ADAMTS2: variants seen among roughly 807,000 people sequenced by gnomAD.
ADAMTS2 encodes A disintegrin and metalloproteinase with thrombospondin motifs 2.
A neutral mutation model predicts 123.0 loss-of-function variants in ADAMTS2; 50 were observed. The ratio of observed to expected loss-of-function variants is 0.41; its 90% confidence interval spans 0.32 to 0.51. The LOEUF is 0.51. Ranked by LOEUF, ADAMTS2 falls within the 20% of genes least tolerant of loss-of-function variation. ADAMTS2 has a pLI of 0.35. For synonymous variants in ADAMTS2, 678 were observed against 695.4 expected (o/e 0.98, Z 0.39); for missense variants, 1,494 against 1,705.2 (o/e 0.88, Z 2.18).
chr5:179,135,050 C>G (rs1427857499), intron 13 of ADAMTS2, among the ~76,000 whole-genome samples: 1 of 105,880 alleles, frequency 9.4e-6, no homozygotes, highest in South Asian at 3.5e-4. Flanking sequence ...CAGCTCCCGG[C>G]TCCAGCTCCC....
chr5:179,320,893 A>G (rs919279245), intron 2 of ADAMTS2, among the ~76,000 whole-genome samples: 3 of 152,180 alleles, frequency 2.0e-5, no homozygotes, highest in South Asian at 2.1e-4. Flanking sequence ...GCCTGCATCC[A>G]TTTTTCTGCC....
intron 2 of ADAMTS2, among the ~76,000 whole-genome samples, chr5:179,337,436 C>T (rs1757644156): frequency 6.6e-6 from 1 of 152,224 alleles, no homozygotes; most frequent in African/African-American, 2.4e-5. Flanking sequence ...CCCACACGCA[C>T]ACTGCATGCA....
At chr5:179,292,808 C>T (rs536057271) in intron 2 of ADAMTS2, among the ~76,000 whole-genome samples, 1 of 152,200 alleles carries the variant, frequency 6.6e-6, no homozygotes, top group Non-Finnish European at 1.5e-5. Context: ...CAGACCACTG[C>T]CCAGACGGCT....
At chr5:179,316,973 A>AATT (rs1757017178) in intron 2 of ADAMTS2, among the ~76,000 whole-genome samples, 1 of 152,206 alleles carries the variant, frequency 6.6e-6, no homozygotes, top group South Asian at 2.1e-4. Context: ...TTTAAAAAGA[A>AATT]TACACAGTGG....
chr5:179,171,465 A>G (rs528021098), intron 5 of ADAMTS2, among the ~76,000 whole-genome samples: 1 of 152,314 alleles, frequency 6.6e-6, no homozygotes, highest in East Asian at 1.9e-4. Flanking sequence ...CAGTAGGTCC[A>G]ACCTAAAGCA....
In ADAMTS2 at chr5:179,233,339, A is replaced by G. The variant is rs1442669598; in HGVS notation, c.689-25624T>C. Among the ~76,000 whole-genome samples, 3 of 151,362 alleles carry G rather than the reference A, an allele frequency of 2.0e-5. 1 individual carries two copies. Among genetic ancestry groups the G allele is most frequent in the South Asian group, 4.2e-4 (2 of 4,810 alleles). On this transcript the variant is annotated intron_variant, in intron 3 of 21. Transcript: ENST00000251582. ...ATCTTGTGTGTATGTGTTGTATCATATTATCTGCTTTGTTAAATGCTATGC... is the reference window on the plus strand; with the variant it reads ...ATCTTGTGTGTATGTGTTGTATCATGTTATCTGCTTTGTTAAATGCTATGC...
chr5:179,341,822 T>A (rs1415085453), intron 2 of ADAMTS2, among the ~76,000 whole-genome samples: 1 of 152,142 alleles, frequency 6.6e-6, no homozygotes, highest in Non-Finnish European at 1.5e-5. Context: ...CAGCTCCTCT[T>A]CCAACCCCAA....
intron 3 of ADAMTS2, among the ~76,000 whole-genome samples, chr5:179,268,022 C>T (rs192986454): frequency 7.2e-5 from 11 of 152,382 alleles, no homozygotes; most frequent in Admixed American, 2.0e-4. Flanking sequence ...GGCTGGATTC[C>T]TGGAGCCTTC....
At chr5:179,321,437 C>T (rs567634775) in intron 2 of ADAMTS2, among the ~76,000 whole-genome samples, 3 of 152,312 alleles carry the variant, frequency 2.0e-5, no homozygotes, top group African/African-American at 7.2e-5. Context: ...CCCTGCAAAG[C>T]CCCCTCTTGG....
At chr5:179,265,102 G>A (rs1363116387) in intron 3 of ADAMTS2, among the ~76,000 whole-genome samples, 1 of 150,126 alleles carries the variant, frequency 6.7e-6, no homozygotes, top group Non-Finnish European at 1.5e-5. Context: ...AGTGCTGGAA[G>A]CATCTGTGGG....
At position 179,187,867 on chromosome 5, in the gene ADAMTS2, G is replaced by A. The variant is rs1008187990; in HGVS notation, c.892-6712C>T. ...ATGCGCCTTTTGCTTATGCAAAGAT[G>A]CAGCCAAGTTTCTGTTCTGGAATAG... On this transcript the variant is annotated intron_variant, in intron 4 of 21. Coordinates refer to ENST00000251582, the MANE Select transcript of ADAMTS2 (RefSeq NM_014244.5). Among the ~76,000 whole-genome samples, 4 of 152,344 alleles carry A rather than the reference G, an allele frequency of 2.6e-5. No individual in the cohort carries two copies. In the South Asian group the frequency reaches 6.2e-4, roughly 24 times the overall value.
intron 20 of ADAMTS2, 135 bp from the exon 21 acceptor site, chr5:179,121,885 G>T: frequency 1.8e-6 from 1 of 565,658 alleles, no homozygotes; most frequent in Non-Finnish European, 3.1e-6. Flanking sequence ...CGGACAAAGG[G>T]TCCTCCGCTG....
At chr5:179,321,850 T>C (rs549244499) in intron 2 of ADAMTS2, among the ~76,000 whole-genome samples, 1 of 151,968 alleles carries the variant, frequency 6.6e-6, no homozygotes, top group Non-Finnish European at 1.5e-5. Flanking sequence ...TTCCTCAGCC[T>C]CTCCCTCAGC....
chr5:179,325,547 C>A (rs956438689), intron 2 of ADAMTS2, among the ~76,000 whole-genome samples: 3 of 152,244 alleles, frequency 2.0e-5, no homozygotes, highest in South Asian at 4.1e-4. Context: ...TGTGACGAGG[C>A]CTGGCCAGCC....
rs1679897586 is a variant in ADAMTS2 at position 179,202,439 on chromosome 5, A to G, written c.891+5074T>C. Among the ~76,000 whole-genome samples, 1 of 151,794 alleles carries G rather than the reference A, an allele frequency of 6.6e-6. No individual in the cohort carries two copies. The highest frequency in any genetic ancestry group is 1.5e-5 in the Non-Finnish European group (1 of 67,936). On this transcript the variant is annotated intron_variant, in intron 4 of 21. Coordinates refer to ENST00000251582, the MANE Select transcript of ADAMTS2 (RefSeq NM_014244.5). The surrounding 1 kb of genome is among the most constrained non-coding windows in gnomAD (Gnocchi z 4.0). Reference sequence around the variant, plus strand: ...CTTCCCCTACCCTTCTTCCTTCTCCATCTCCTAACTATTTTATTTCTTTCA... The same window carrying G: ...CTTCCCCTACCCTTCTTCCTTCTCCGTCTCCTAACTATTTTATTTCTTTCA...
rs1351686117 is a variant in ADAMTS2 at position 179,312,600 on chromosome 5, A to G, written c.534+31167T>C. Among the ~76,000 whole-genome samples, 1 of 152,214 alleles carries G rather than the reference A, an allele frequency of 6.6e-6. No individual in the cohort carries two copies. The highest frequency in any genetic ancestry group is 1.5e-5 in the Non-Finnish European group (1 of 68,038). On this transcript the variant is annotated intron_variant, in intron 2 of 21. Transcript: ENST00000251582. The surrounding 1 kb of genome is among the most constrained non-coding windows in gnomAD (Gnocchi z 4.2). The stretch of plus-strand genomic sequence containing the variant: ...TGGACTAAGACAGGCCCTAAATGCA[A>G]TCACACTTCTCTTTATCAGAGGAAG...
rs1766178122 is a variant in ADAMTS2, at chr5:179,260,153, C to A, written c.688+12758G>T. Among the ~76,000 whole-genome samples, 1 of 152,140 alleles carries A rather than the reference C, an allele frequency of 6.6e-6. No individual in the cohort carries two copies. The highest frequency in any genetic ancestry group is 6.5e-5 in the Admixed American group (1 of 15,278). ...TGGGCCCATGGGACCAGTAGCCACC[C>A]ACAGCTGCCAACCTGAGTCTGCAGC... On this transcript the variant is annotated intron_variant, in intron 3 of 21. Transcript: ENST00000251582. This position sits in a 1 kb window ranked among gnomAD's most constrained non-coding sequence, Gnocchi z 4.2.
In ADAMTS2 at chr5:179,158,785, T is replaced by G; in HGVS notation, c.1070A>C (p.Asp357Ala). The G allele has an allele frequency of 6.2e-7, 1 of 1,614,212 alleles. No homozygotes were observed. The highest frequency in any genetic ancestry group is 8.5e-7 in the Non-Finnish European group (1 of 1,180,048). The change falls in exon 6 of 22, where the codon GAT becomes GCT. Residue 357 changes from aspartate (D) to alanine (A), a missense_variant. By Grantham distance (126) the Asp-to-Ala change is moderately radical. Coordinates refer to ENST00000251582, the MANE Select transcript of ADAMTS2 (RefSeq NM_014244.5). The surrounding 1 kb of genome is among the most constrained non-coding windows in gnomAD (Gnocchi z 5.0). ...GAAGATGGCGTGATCGTGGTATTCATCGTGGCCCGTGTCTGGCTTCTGCTG... is the reference window on the plus strand; with the variant it reads ...GAAGATGGCGTGATCGTGGTATTCAGCGTGGCCCGTGTCTGGCTTCTGCTG... ...YLQQKPDTGH[D>A]EYHDHAIFLT...
chr5:179,187,997 T>C (rs1352732826), intron 4 of ADAMTS2, among the ~76,000 whole-genome samples: 2 of 151,446 alleles, frequency 1.3e-5, no homozygotes, highest in Non-Finnish European at 2.9e-5. Context: ...CTGCGGCTGC[T>C]GGGCAGAGGT....
Sources: gnomAD v4.1 joint callset for allele counts (sites outside exome capture counted in the v4.1 genomes callset) on GRCh38, gnomAD v4.1.1 for gene constraint, Gnocchi (gnomAD v3.1) non-coding constraint, MANE v1.5 for transcripts, NCBI Gene and HGNC (gene_info 2026-07-23, HGNC 2026-07-21) for gene names.